DCDC1: variants seen among roughly 807,000 people sequenced by gnomAD.
DCDC1 encodes the protein doublecortin domain-containing protein 1.
In DCDC1, 200 loss-of-function variants were observed where a neutral mutation model predicts 178.3. The observed-to-expected ratio is 1.12, with a 90% CI of 1.00 to 1.26. The LOEUF (loss-of-function observed/expected upper bound fraction) is 1.26, where lower values mean the gene tolerates loss of function less well. Ranked by LOEUF, DCDC1 falls within the 50% of genes most tolerant of loss-of-function variation. The probability of loss-of-function intolerance (pLI) is 0.00; values close to 1 mark genes in which losing one functional copy is unlikely to be tolerated. For synonymous variants in DCDC1, 690 were observed against 604.8 expected, an observed-to-expected ratio of 1.14 and a Z score of -2.07; for missense variants, 1,983 against 1,749.2, an observed-to-expected ratio of 1.13 and a Z score of -2.38.
intron 20 of DCDC1, among the ~76,000 whole-genome samples, chr11:31,018,973 C>T (rs191237033): frequency 2.6e-5 from 4 of 151,734 alleles, no homozygotes; most frequent in African/African-American, 7.3e-5. Flanking sequence ...GGAATGGGGG[C>T]GAAAGATGCA....
chr11:30,918,002 G>A (rs910026270), intron 25 of DCDC1, among the ~76,000 whole-genome samples: 4 of 151,786 alleles, frequency 2.6e-5, no homozygotes, highest in African/African-American at 9.7e-5. Context: ...CAGAACTACA[G>A]GCAGCACAAG....
intron 8 of DCDC1, 155 bp from the exon 9 acceptor site, chr11:31,241,771 G>C (rs12419534): frequency 0.25 from 96,943 of 380,992 alleles, 12,737 homozygotes; most frequent in African/African-American, 0.32. Flanking sequence ...TGCGTTACTA[G>C]TGGCCACCAT....
chr11:31,351,526 A>G (rs1951069484), intron 1 of DCDC1, among the ~76,000 whole-genome samples: 1 of 152,180 alleles, frequency 6.6e-6, no homozygotes, highest in South Asian at 2.1e-4. Context: ...ATTATCATGT[A>G]GCAATGGAGC....
intron 10 of DCDC1, among the ~76,000 whole-genome samples, chr11:31,131,713 T>A (rs922954893): frequency 1.3e-5 from 2 of 152,192 alleles, no homozygotes; most frequent in African/African-American, 4.8e-5. Context: ...TCCAGCATCA[T>A]GTGATTTAGG....
chr11:31,065,617 G>T (rs768342981), intron 18 of DCDC1, among the ~76,000 whole-genome samples: 4 of 152,162 alleles, frequency 2.6e-5, no homozygotes, highest in Non-Finnish European at 5.9e-5. Flanking sequence ...AGAAGTGTCA[G>T]ACACAAGGTA....
intron 20 of DCDC1, among the ~76,000 whole-genome samples, chr11:30,978,786 AC>A: frequency 2.3e-5 from 1 of 43,574 alleles, no homozygotes; most frequent in South Asian, 8.3e-4. Context: ...CTCAACACAC[AC>A]ACACACACAC....
intron 8 of DCDC1, among the ~76,000 whole-genome samples, chr11:31,246,597 C>T (rs975713077): frequency 6.6e-6 from 1 of 151,780 alleles, no homozygotes; most frequent in Non-Finnish European, 1.5e-5. Flanking sequence ...TGAGCTAGTG[C>T]CAAGGTATGT....
intron 8 of DCDC1, among the ~76,000 whole-genome samples, chr11:31,249,040 G>C (rs1943776565): frequency 6.6e-6 from 1 of 152,066 alleles, no homozygotes; most frequent in African/African-American, 2.4e-5. Context: ...TTTGGCTTTA[G>C]AGTTCTAAGG....
intron 7 of DCDC1, among the ~76,000 whole-genome samples, chr11:31,273,708 C>T (rs562243140): frequency 3.9e-5 from 6 of 152,252 alleles, no homozygotes; most frequent in African/African-American, 9.6e-5. Context: ...TACAGCAGCA[C>T]CCCACTCTTG....
intron 9 of DCDC1, among the ~76,000 whole-genome samples, chr11:31,203,815 T>C (rs1971570914): frequency 6.6e-6 from 1 of 152,160 alleles, no homozygotes; most frequent in Admixed American, 6.6e-5. Context: ...GATATCACTA[T>C]CACTGCTTCT....
intron 8 of DCDC1, among the ~76,000 whole-genome samples, chr11:31,257,856 C>T (rs1450639505): frequency 6.6e-6 from 1 of 152,020 alleles, no homozygotes; most frequent in Non-Finnish European, 1.5e-5. Context: ...AAATCAGAAA[C>T]AGTAACTGGG....
intron 17 of DCDC1, among the ~76,000 whole-genome samples, chr11:31,090,413 C>T (rs562768666): frequency 2.0e-5 from 3 of 152,208 alleles, no homozygotes; most frequent in Admixed American, 2.0e-4. Context: ...GTAGGTATGG[C>T]CTTGAGCAGG....
At chr11:30,924,208 G>GA (rs1946450950) in intron 23 of DCDC1, among the ~76,000 whole-genome samples, 1 of 152,122 alleles carries the variant, frequency 6.6e-6, no homozygotes, top group Admixed American at 6.6e-5. Flanking sequence ...TAGCACAGCA[G>GA]ACCAAACAAA....
chr11:31,249,477 C>T (rs952604137), intron 8 of DCDC1, among the ~76,000 whole-genome samples: 1 of 152,108 alleles, frequency 6.6e-6, no homozygotes, highest in African/African-American at 2.4e-5. Context: ...CTGTTTTTGA[C>T]ATAAGCAACA....
At chr11:30,914,839 C>CT (rs1009893932) in intron 27 of DCDC1, among the ~76,000 whole-genome samples, 63 of 151,154 alleles carry the variant, frequency 4.2e-4, no homozygotes, top group African/African-American at 1.4e-3. Context: ...CTTATCAGGA[C>CT]TTTTTTTTTA....
intron 6 of DCDC1, among the ~76,000 whole-genome samples, chr11:31,291,317 A>T (rs540271489): frequency 2.2e-4 from 33 of 152,164 alleles, no homozygotes; most frequent in African/African-American, 2.4e-5. Flanking sequence ...CTGACCTCCA[A>T]ATAGTAACAT....
intron 32 of DCDC1, among the ~76,000 whole-genome samples, chr11:30,902,990 G>A (rs1944805781): frequency 6.6e-6 from 1 of 152,130 alleles, no homozygotes; most frequent in African/African-American, 2.4e-5. Flanking sequence ...CTGGGAGATA[G>A]TAAAAAGTGG....
At chr11:31,065,699 TAACA>T (rs894947554) in intron 18 of DCDC1, among the ~76,000 whole-genome samples, 1 of 152,182 alleles carries the variant, frequency 6.6e-6, no homozygotes, top group African/African-American at 2.4e-5. Context: ...AATCACTAAA[TAACA>T]AACAAAGCAA....
chr11:30,937,574 G>A (rs1344938209), intron 21 of DCDC1, among the ~76,000 whole-genome samples: 1 of 152,048 alleles, frequency 6.6e-6, no homozygotes, highest in Non-Finnish European at 1.5e-5. Flanking sequence ...CTCCTTCGAG[G>A]GAGATCTTGA....
Sources: allele counts gnomAD v4.1 joint callset (sites outside exome capture counted in the v4.1 genomes callset), GRCh38; gene constraint gnomAD v4.1.1; transcripts MANE v1.5; gene names NCBI Gene and HGNC (gene_info 2026-07-23, HGNC 2026-07-21).